The following CASP9 variants were observed in gnomAD, a reference collection of about 807,000 sequenced individuals.
The protein encoded by CASP9 is caspase-9.
A neutral mutation model predicts 43.5 loss-of-function variants in CASP9; 29 were observed. The ratio of observed to expected loss-of-function variants is 0.67; its 90% CI spans 0.50 to 0.91. The LOEUF (loss-of-function observed/expected upper bound fraction) is 0.91, where lower values mean the gene tolerates loss of function less well. CASP9 is among the 40% of genes least tolerant of loss of function. The pLI is 0.00. For missense variants in CASP9, 575 were observed against 537.4 expected (o/e 1.07, Z -0.69); for synonymous variants, 206 against 211.9 (o/e 0.97, Z 0.24).
rs1393994968 is a variant in CASP9, at chr1:15,518,204, T to C, written c.324A>G (p.Pro108=). ...LSKPTLENLT[P]VVLRPEIRKP... ...TGCGAATCTCTGGTCTGAGCACCAC[T>C]GGGGTAAGGTTTTCTAGGGTTGGCT... Residue 108 remains proline, a synonymous_variant, in exon 2 of 9, where the codon CCA becomes CCG. Coordinates refer to ENST00000333868, the MANE Select transcript of CASP9 (RefSeq NM_001229.5). 2.5e-6 allele frequency: 4 copies of C among 1,614,214 alleles called. No individual in the cohort carries two copies. The Admixed American group carries it at 5.0e-5, about 20-fold the overall frequency.
intron 3 of CASP9, 104 bp downstream of exon 3, chr1:15,507,768 GT>G (rs1007763124): frequency 1.8e-6 from 2 of 1,110,940 alleles, no homozygotes; most frequent in African/African-American, 3.1e-5. Context: ...ACTGCCTAGG[GT>G]TGGGTTCCCT....
chr1:15,514,172 C>A (rs547131473), intron 2 of CASP9, among the ~76,000 whole-genome samples: 1 of 152,308 alleles, frequency 6.6e-6, no homozygotes, highest in East Asian at 1.9e-4. Context: ...GCATCTCTGT[C>A]TACCCACTAG....
chr1:15,500,289 C>T (rs901873026), intron 6 of CASP9, among the ~76,000 whole-genome samples: 23 of 152,048 alleles, frequency 1.5e-4, no homozygotes, highest in Admixed American at 3.3e-4. Flanking sequence ...TCAGGGAGAA[C>T]GGTCCTGGTG....
intron 7 of CASP9, 85 bp downstream of exon 7, chr1:15,495,188 G>C (rs1709058651): frequency 2.4e-6 from 3 of 1,254,720 alleles, no homozygotes. Context: ...CTCATACCCT[G>C]GTCTTTTCTC....
intron 1 of CASP9, among the ~76,000 whole-genome samples, chr1:15,523,819 T>A (rs1710312791): frequency 6.6e-6 from 1 of 152,254 alleles, no homozygotes; most frequent in African/African-American, 2.4e-5. Context: ...ATGAATTGTT[T>A]CTTATTCAAA....
At chr1:15,520,626 T>C (rs866298378) in intron 1 of CASP9, among the ~76,000 whole-genome samples, 25 of 152,212 alleles carry the variant, frequency 1.6e-4, no homozygotes, top group African/African-American at 1.4e-4. Flanking sequence ...AATGCCAGTG[T>C]CTGGGGAGAC....
chr1:15,518,999 G>A lies in CASP9; in HGVS notation c.133-604C>T, dbSNP rs186460705. On this transcript the variant is annotated intron_variant, in intron 1 of 8. Transcript: ENST00000333868. Reference sequence around the variant, plus strand: ...AAGCGATTATCCTGCCTCAGCCTCCGGAGTAGTTGGGGTTACAGGCACACA... The same window carrying A: ...AAGCGATTATCCTGCCTCAGCCTCCAGAGTAGTTGGGGTTACAGGCACACA... Among the ~76,000 whole-genome samples, 418 of 151,256 alleles carry A rather than the reference G, an allele frequency of 2.8e-3. 4 individuals carry two copies. Among genetic ancestry groups the A allele is most frequent in the Middle Eastern group, 3.5e-3 (1 of 288 alleles).
At position 15,524,188 on chromosome 1, in the gene CASP9, C is replaced by G. The variant is rs374378619; in HGVS notation, c.13G>C (p.Asp5His). 1 of 1,546,406 alleles carries G rather than the reference C, an allele frequency of 6.5e-7. No individual in the cohort carries two copies. The highest frequency in any genetic ancestry group is 8.7e-7 in the Non-Finnish European group (1 of 1,150,628). The change falls in exon 1 of 9, where the codon GAT becomes CAT. Residue 5 changes from aspartate (D) to histidine (H), a missense_variant. By Grantham distance (81) the Asp-to-His change is moderately conservative. Coordinates refer to ENST00000333868, the MANE Select transcript of CASP9 (RefSeq NM_001229.5). Reference sequence around the variant, plus strand: ...CGGCACCGCCGCAGGAGCCGCCGATCCGCTTCGTCCATGGCGAGTAGCCAA... The same window carrying G: ...CGGCACCGCCGCAGGAGCCGCCGATGCGCTTCGTCCATGGCGAGTAGCCAA... MDEA[D>H]RRLLRRCRLR...
In CASP9 at chr1:15,497,644, G is replaced by GAA. The variant is rs71306992; in HGVS notation, c.869-2194_869-2193dup. Among the ~76,000 whole-genome samples the GAA allele has an allele frequency of 6.4e-3, 719 of 113,068 alleles. 8 individuals carry two copies. Among genetic ancestry groups the GAA allele is most frequent in the African/African-American group, 0.022 (646 of 29,186 alleles). The allele number at this position is 113,068 out of a possible 152,430, so 74.2% of individuals were successfully genotyped here. The stretch of plus-strand genomic sequence containing the variant: ...ACAACAGAGCGAGACTCTGTCTCAA[G>GAA]AAAAAAAAAAAAAAGATATAAATAA... On this transcript the variant is annotated intron_variant, in intron 6 of 8. Coordinates refer to ENST00000333868, the MANE Select transcript of CASP9 (RefSeq NM_001229.5).
At chr1:15,518,570 G>T (rs537626866) in intron 1 of CASP9, among the ~76,000 whole-genome samples, 175 bp from the exon 2 acceptor site, 1 of 152,152 alleles carries the variant, frequency 6.6e-6, no homozygotes, top group Non-Finnish European at 1.5e-5. Flanking sequence ...TCATTATTTT[G>T]CAGGGCAAAA....
At position 15,507,172 on chromosome 1, in the gene CASP9, A is replaced by G. The variant is rs763388379; in HGVS notation, c.454-97T>C. 7 of 1,436,948 alleles carry G rather than the reference A, an allele frequency of 4.9e-6. No individual in the cohort carries two copies. In the African/African-American group the frequency reaches 9.8e-5, roughly 20 times the overall value. The allele number at this position is 1,436,948 out of a possible 1,614,324, so 89.0% of individuals were successfully genotyped here. On this transcript the variant is annotated intron_variant, in intron 3 of 8. Transcript: ENST00000333868. ...AAGAAAACGGGGTCTGCCCTCTCGC[A>G]CAAGGAGTAGCAGGGTCTCCACCCG...
rs1307025439 is a variant in CASP9 at position 15,493,055 on chromosome 1, A to G, written c.1159-20T>C. On this transcript the variant is annotated intron_variant, in intron 8 of 8. Coordinates refer to ENST00000333868, the MANE Select transcript of CASP9 (RefSeq NM_001229.5). ...AGCGACCTGTAAGACATGACCATGGAGAGCTCTGTGAGTTCAGTTCTCTGG... is the reference window on the plus strand; with the variant it reads ...AGCGACCTGTAAGACATGACCATGGGGAGCTCTGTGAGTTCAGTTCTCTGG... 1 of 1,613,738 alleles carries G rather than the reference A, an allele frequency of 6.2e-7. No individual in the cohort carries two copies. The highest frequency in any genetic ancestry group is 2.2e-5 in the East Asian group (1 of 44,880).
At chr1:15,515,244 G>C (rs1341212379) in intron 2 of CASP9, among the ~76,000 whole-genome samples, 1 of 152,144 alleles carries the variant, frequency 6.6e-6, no homozygotes, top group Non-Finnish European at 1.5e-5. Context: ...TCCTTTACAG[G>C]ATGGTAATGC....
intron 1 of CASP9, 132 bp downstream of exon 1, chr1:15,523,937 G>C: frequency 1.6e-6 from 1 of 624,750 alleles, no homozygotes; most frequent in Non-Finnish European, 2.6e-6. Context: ...ACCCGACTAA[G>C]AGGTGTTTGG....
intron 2 of CASP9, among the ~76,000 whole-genome samples, chr1:15,512,363 G>C (rs1017894215): frequency 7.2e-5 from 11 of 151,924 alleles, no homozygotes; most frequent in Non-Finnish European, 1.5e-5. Context: ...GAGTAAAGCA[G>C]ATGGCCCTCC....
chr1:15,498,209 A>C (rs920435750), intron 6 of CASP9, among the ~76,000 whole-genome samples: 2 of 152,120 alleles, frequency 1.3e-5, no homozygotes, highest in African/African-American at 2.4e-5. Context: ...CAGCCTCTCA[A>C]GTAGCTGGGA....
rs529163929 is a variant in CASP9 at position 15,499,400 on chromosome 1, C to G, written c.869-3948G>C. Among the ~76,000 whole-genome samples, 24 of 152,282 alleles carry G rather than the reference C, an allele frequency of 1.6e-4. No individual in the cohort carries two copies. In the South Asian group the frequency reaches 4.8e-3, roughly 30 times the overall value. The stretch of plus-strand genomic sequence containing the variant: ...TTTACTTTTCTTCTCTCCTTGTGTT[C>G]CCTCTCTATTTTGTCCTAGTGTTAT... On this transcript the variant is annotated intron_variant, in intron 6 of 8. Coordinates refer to ENST00000333868, the MANE Select transcript of CASP9 (RefSeq NM_001229.5).
In CASP9 at chr1:15,522,674, C is replaced by G. The variant is rs994414969; in HGVS notation, c.132+1395G>C. On this transcript the variant is annotated intron_variant, in intron 1 of 8. Transcript: ENST00000333868. ...AGGTCGCAGTGAGCCATGATCTCATCCCTGCACTCCAGGCTGGGCAAGAGT... is the reference window on the plus strand; with the variant it reads ...AGGTCGCAGTGAGCCATGATCTCATGCCTGCACTCCAGGCTGGGCAAGAGT... Among the ~76,000 whole-genome samples, 12 of 152,334 alleles carry G rather than the reference C, an allele frequency of 7.9e-5. No individual in the cohort carries two copies. In the South Asian group the frequency reaches 2.3e-3, roughly 29 times the overall value.
Position 15,504,633 on chromosome 1 carries a change from A to T in CASP9, c.846T>A (p.Phe282Leu). The change falls in exon 6 of 9, where the codon TTT (phenylalanine) becomes TTA (leucine). Residue 282 changes from phenylalanine to leucine, a missense_variant. Phe to Leu is a conservative substitution (Grantham distance 22, BLOSUM62 0). Coordinates refer to ENST00000333868, the MANE Select transcript of CASP9 (RefSeq NM_001229.5). Reference sequence around the variant, plus strand: ...TACCCCCACCACAGGCCTGGATGAAAAAGAGCTTGGGCTTCCCTCCCAGGC... The same window carrying T: ...TACCCCCACCACAGGCCTGGATGAATAAGAGCTTGGGCTTCCCTCCCAGGC... ...CPSLGGKPKLFFIQACGGEQK... is the reference protein window; with the variant it reads ...CPSLGGKPKLLFIQACGGEQK... 1 of 1,613,876 alleles carries T rather than the reference A, an allele frequency of 6.2e-7. No individual in the cohort carries two copies. Among genetic ancestry groups the T allele is most frequent in the Non-Finnish European group, 8.5e-7 (1 of 1,179,914 alleles).
Sources: gnomAD v4.1 joint callset for allele counts (sites outside exome capture counted in the v4.1 genomes callset) on GRCh38, gnomAD v4.1.1 for gene constraint, MANE v1.5 for transcripts, NCBI Gene and HGNC (gene_info 2026-07-23, HGNC 2026-07-21) for gene names.